The following SNRK variants were observed in gnomAD, a reference collection of about 807,000 sequenced individuals.
The protein encoded by SNRK is SNF-related serine/threonine-protein kinase.
SNRK carries 3 observed loss-of-function variants against 48.2 expected under a neutral mutation model. That is an observed-to-expected ratio of 0.06 (90% CI 0.03 to 0.16). The LOEUF is 0.16. SNRK is among the 10% of genes least tolerant of loss of function. The pLI is 1.00. For synonymous variants in SNRK, 376 were observed against 366.1 expected, an observed-to-expected ratio of 1.03 and a Z score of -0.31; for missense variants, 627 against 976.0, an observed-to-expected ratio of 0.64 and a Z score of 4.76.
At chr3:43,294,796 G>C (rs1292039638) in intron 1 of SNRK, among the ~76,000 whole-genome samples, 1 of 151,478 alleles carries the variant, frequency 6.6e-6, no homozygotes, top group African/African-American at 2.4e-5. Context: ...CAAAATATTA[G>C]GAGGAATAAA....
At chr3:43,333,560 AT>A (rs2091164593) in intron 4 of SNRK, among the ~76,000 whole-genome samples, 1 of 151,996 alleles carries the variant, frequency 6.6e-6, no homozygotes, top group African/African-American at 2.4e-5. Flanking sequence ...GATGATGATT[AT>A]TTTTATGACG....
chr3:43,305,932 A>G (rs1349237714), intron 3 of SNRK, among the ~76,000 whole-genome samples: 1 of 152,334 alleles, frequency 6.6e-6, no homozygotes, highest in East Asian at 1.9e-4. Context: ...GTAGGCTTTC[A>G]GCTGTATTGG....
chr3:43,329,154 T>C (rs770478412), intron 3 of SNRK, among the ~76,000 whole-genome samples: 9 of 152,120 alleles, frequency 5.9e-5, no homozygotes, highest in Admixed American at 1.3e-4. Flanking sequence ...AAAAGTAAAA[T>C]TATTCAAAGA....
At position 43,303,191 on chromosome 3, in the gene SNRK, C is replaced by G; in HGVS notation, c.-13C>G. ...TTAAACAGTCTAAATATTTTTTCTT[C>G]TGTTGGACCAGCATGGCAGGATTTA... On this transcript the variant is annotated 5_prime_UTR_variant, in exon 3 of 7. Transcript: ENST00000296088. This position sits in a 1 kb window ranked among gnomAD's most constrained non-coding sequence, Gnocchi z 6.2. 1 of 1,586,580 alleles carries G rather than the reference C, an allele frequency of 6.3e-7. No individual in the cohort carries two copies. The highest frequency in any genetic ancestry group is 8.6e-7 in the Non-Finnish European group (1 of 1,161,762).
At chr3:43,305,847 A>C (rs1011082893) in intron 3 of SNRK, among the ~76,000 whole-genome samples, 8 of 152,270 alleles carry the variant, frequency 5.3e-5, no homozygotes, top group Admixed American at 4.6e-4. Flanking sequence ...GAGTACATGA[A>C]CATGTAGTAC....
chr3:43,343,239 C>A, intron 5 of SNRK, 105 bp from the exon 6 acceptor site: 3 of 1,357,162 alleles, frequency 2.2e-6, no homozygotes, highest in Non-Finnish European at 1.9e-6. Flanking sequence ...TTTAAAGATT[C>A]CAGCCATTGA....
At chr3:43,298,292 A>G (rs535542768) in intron 1 of SNRK, among the ~76,000 whole-genome samples, 88 of 152,292 alleles carry the variant, frequency 5.8e-4, no homozygotes, top group African/African-American at 1.9e-3. Context: ...TTACTGTACT[A>G]CCGCACTGCT....
chr3:43,321,609 T>C (rs1262076660), intron 3 of SNRK, among the ~76,000 whole-genome samples: 2 of 145,538 alleles, frequency 1.4e-5, no homozygotes, highest in Non-Finnish European at 3.2e-5. Flanking sequence ...AGCTGTCAGC[T>C]GATAGGTAAC....
chr3:43,315,903 A>G (rs1032150656), intron 3 of SNRK, among the ~76,000 whole-genome samples: 6 of 152,250 alleles, frequency 3.9e-5, no homozygotes, highest in Non-Finnish European at 7.3e-5. Context: ...ATCACTTGTC[A>G]TATAAAACGA....
In SNRK at chr3:43,303,469, A is replaced by G; in HGVS notation, c.266A>G (p.Tyr89Cys). ...YEVIDTQTKL[Y>C]LILELGDGGD... ...GTTATTGACACCCAGACCAAACTAT[A>G]TCTTATTCTAGAACTTGGGGATGGA... The change falls in exon 3 of 7, where the codon TAT becomes TGT. Residue 89 changes from tyrosine (Y) to cysteine (C), a missense_variant. Tyr to Cys is a radical substitution (Grantham distance 194). This residue lies in a region of SNRK where 147 missense variants were observed against 356.8 expected (regional missense o/e 0.41). Coordinates refer to ENST00000296088, the MANE Select transcript of SNRK (RefSeq NM_017719.5). The surrounding 1 kb of genome is among the most constrained non-coding windows in gnomAD (Gnocchi z 6.2). 6.2e-7 allele frequency: 1 copy of G among 1,614,150 alleles called. No homozygotes were observed. The highest frequency in any genetic ancestry group is 8.5e-7 in the Non-Finnish European group (1 of 1,180,016).
At chr3:43,330,683 G>A (rs2888311) in intron 3 of SNRK, among the ~76,000 whole-genome samples, 149,375 of 152,318 alleles carry the variant, frequency 0.98, 73,310 homozygotes, top group East Asian at 1. Context: ...TCCAAAGTCA[G>A]GGCAAAGAAA....
At chr3:43,306,991 C>G (rs892221167) in intron 3 of SNRK, among the ~76,000 whole-genome samples, 3 of 151,986 alleles carry the variant, frequency 2.0e-5, no homozygotes, top group African/African-American at 7.3e-5. Flanking sequence ...GGTGACTGTT[C>G]TTTATGTGAT....
At chr3:43,325,533 C>T (rs1469259527) in intron 3 of SNRK, among the ~76,000 whole-genome samples, 3 of 152,052 alleles carry the variant, frequency 2.0e-5, no homozygotes, top group Non-Finnish European at 2.9e-5. Context: ...CAAACTAAAA[C>T]GTTTAGTTGA....
intron 3 of SNRK, among the ~76,000 whole-genome samples, chr3:43,312,113 C>A (rs180838756): frequency 1.3e-5 from 2 of 152,114 alleles, no homozygotes; most frequent in African/African-American, 4.8e-5. Flanking sequence ...ATTTAAAAAC[C>A]CTTATTTTAG....
At chr3:43,319,281 A>T (rs1247139010) in intron 3 of SNRK, among the ~76,000 whole-genome samples, 2 of 152,160 alleles carry the variant, frequency 1.3e-5, no homozygotes, top group Non-Finnish European at 2.9e-5. Context: ...TATTTTTAAA[A>T]TTTTAATTTA....
intron 4 of SNRK, among the ~76,000 whole-genome samples, chr3:43,336,942 C>T (rs555461121): frequency 3.9e-4 from 60 of 152,102 alleles, no homozygotes; most frequent in African/African-American, 8.9e-4. Flanking sequence ...TTAGTAGAGA[C>T]GGGTTTTCAC....
intron 6 of SNRK, 81 bp downstream of exon 6, chr3:43,343,559 T>C: frequency 7.0e-7 from 1 of 1,429,170 alleles, no homozygotes; most frequent in South Asian, 1.2e-5. Flanking sequence ...TAATGCTTCC[T>C]AACTCTTTGG....
chr3:43,326,377 G>T (rs2091096724), intron 3 of SNRK, among the ~76,000 whole-genome samples: 1 of 151,936 alleles, frequency 6.6e-6, no homozygotes, highest in Non-Finnish European at 1.5e-5. Flanking sequence ...AATATTTGCA[G>T]AACTCTTTTG....
intron 3 of SNRK, among the ~76,000 whole-genome samples, chr3:43,313,615 C>T (rs997626742): frequency 2.6e-5 from 4 of 152,068 alleles, no homozygotes; most frequent in Admixed American, 2.6e-4. Context: ...CTGTGTCTGG[C>T]GGTTATAGAA....
Sources: allele counts gnomAD v4.1 joint callset (sites outside exome capture counted in the v4.1 genomes callset), GRCh38; gene constraint gnomAD v4.1.1; regional missense constraint gnomAD v4.1.1; non-coding constraint Gnocchi (gnomAD v3.1); transcripts MANE v1.5; gene names NCBI Gene and HGNC (gene_info 2026-07-23, HGNC 2026-07-21).